The following PRKCI variants were observed in gnomAD, a reference collection of about 807,000 sequenced individuals.
The protein encoded by PRKCI is protein kinase C iota.
Under a neutral mutation model 84.0 loss-of-function variants are expected in PRKCI, and 43 were observed. The observed-to-expected ratio is 0.51, with a 90% CI of 0.40 to 0.66. The LOEUF (loss-of-function observed/expected upper bound fraction) is 0.66, where lower values mean the gene tolerates loss of function less well. Among genes scored for constraint, PRKCI ranks in the 30% least tolerant of loss-of-function variants. The pLI is 0.00. For missense variants in PRKCI, 459 were observed against 745.6 expected (o/e 0.62, Z 4.48); for synonymous variants, 216 against 234.4 (o/e 0.92, Z 0.72).
At chr3:170,268,041 A>AT (rs540267830) in intron 5 of PRKCI, 41 bp downstream of exon 5, 3 of 1,491,208 alleles carry the variant, frequency 2.0e-6, no homozygotes, top group Non-Finnish European at 2.8e-6. Context: ...TGAAACAGCT[A>AT]TTTTTTCCCT....
intron 2 of PRKCI, among the ~76,000 whole-genome samples, chr3:170,235,768 T>C (rs1732958699): frequency 6.6e-6 from 1 of 152,008 alleles, no homozygotes; most frequent in Non-Finnish European, 1.5e-5. Flanking sequence ...GGTTTCGCTA[T>C]GTTGGCCAAG....
At chr3:170,234,844 C>G (rs1439320029) in intron 1 of PRKCI, among the ~76,000 whole-genome samples, 1 of 151,654 alleles carries the variant, frequency 6.6e-6, no homozygotes, top group Non-Finnish European at 1.5e-5. Context: ...CCTCTGTTGC[C>G]CAGGCTGGAG....
chr3:170,281,091 T>A, intron 9 of PRKCI, 75 bp from the exon 10 acceptor site: 2 of 1,249,906 alleles, frequency 1.6e-6, no homozygotes, highest in Non-Finnish European at 2.3e-6. Flanking sequence ...TTTGTGACCA[T>A]TGAATTGCTC....
intron 2 of PRKCI, among the ~76,000 whole-genome samples, chr3:170,248,830 A>G (rs1243719025): frequency 1.3e-5 from 2 of 151,212 alleles, no homozygotes; most frequent in Non-Finnish European, 2.9e-5. Context: ...GATGGTCAGA[A>G]TTGGCTTTTT....
intron 1 of PRKCI, among the ~76,000 whole-genome samples, chr3:170,231,558 A>T (rs2108835552): frequency 6.6e-6 from 1 of 151,940 alleles, no homozygotes; most frequent in South Asian, 2.1e-4. Context: ...TCCGCGTCCC[A>T]AGTTCAAGTG....
At chr3:170,292,958 G>A (rs977109344) in intron 13 of PRKCI, among the ~76,000 whole-genome samples, 18 of 149,944 alleles carry the variant, frequency 1.2e-4, no homozygotes, top group Admixed American at 4.7e-4. Context: ...GGAGAATGGC[G>A]TGAACCCGGG....
At chr3:170,278,409 T>C (rs978088079) in intron 8 of PRKCI, among the ~76,000 whole-genome samples, 2 of 152,176 alleles carry the variant, frequency 1.3e-5, no homozygotes, top group African/African-American at 4.8e-5. Context: ...CCTATAATCC[T>C]AGGACTTTAG....
intron 1 of PRKCI, among the ~76,000 whole-genome samples, 185 bp downstream of exon 1, chr3:170,222,955 T>C (rs1015521001): frequency 2.0e-5 from 3 of 148,602 alleles, no homozygotes; most frequent in Non-Finnish European, 4.5e-5. Flanking sequence ...GATGCAGTAC[T>C]GGGGGCGCCC....
chr3:170,281,115 C>T (rs1734231965), intron 9 of PRKCI, 51 bp from the exon 10 acceptor site: 1 of 1,456,600 alleles, frequency 6.9e-7, no homozygotes, highest in Non-Finnish European at 9.6e-7. Flanking sequence ...GCAAATTTAT[C>T]ATTAATTGTG....
intron 17 of PRKCI, among the ~76,000 whole-genome samples, chr3:170,300,641 C>G (rs969038773): frequency 6.7e-6 from 1 of 149,256 alleles, no homozygotes; most frequent in Non-Finnish European, 1.5e-5. Context: ...CACAGCACCT[C>G]TAATCAAACT....
intron 2 of PRKCI, among the ~76,000 whole-genome samples, chr3:170,243,230 C>T (rs1733180991): frequency 6.6e-6 from 1 of 152,158 alleles, no homozygotes; most frequent in South Asian, 2.1e-4. Flanking sequence ...GCTCTTTTGT[C>T]CTCAGGCTAC....
At position 170,242,751 on chromosome 3, in the gene PRKCI, A is replaced by G. The variant is rs547509071; in HGVS notation, c.223+7400A>G. Among the ~76,000 whole-genome samples the G allele has an allele frequency of 5.3e-5, 8 of 150,746 alleles. No homozygotes were observed. The South Asian group carries it at 1.7e-3, about 32-fold the overall frequency. ...AGTGGTGTGATCTCGGCTCACTGCA[A>G]CCTCGACCTCCTGGGTTCAAGCGAT... On this transcript the variant is annotated intron_variant, in intron 2 of 17. Coordinates refer to ENST00000295797, the MANE Select transcript of PRKCI (RefSeq NM_002740.6).
intron 1 of PRKCI, among the ~76,000 whole-genome samples, chr3:170,232,152 G>C (rs539695122): frequency 6.6e-6 from 1 of 151,984 alleles, no homozygotes; most frequent in Admixed American, 6.6e-5. Context: ...CCAGGCTCAC[G>C]CAGTCCTCCT....
chr3:170,281,705 T>C (rs559816823), intron 10 of PRKCI, 177 bp from the exon 11 acceptor site: 2 of 706,196 alleles, frequency 2.8e-6, no homozygotes, highest in East Asian at 3.2e-5. Context: ...ATTATCATGC[T>C]GGTTTACTTT....
intron 2 of PRKCI, among the ~76,000 whole-genome samples, chr3:170,253,480 T>TG (rs772562159): frequency 1.3e-5 from 2 of 152,202 alleles, no homozygotes; most frequent in African/African-American, 4.8e-5. Flanking sequence ...TTGCCGTTTG[T>TG]ATGTCTCCTT....
chr3:170,288,178 G>A (rs907043803), intron 12 of PRKCI, among the ~76,000 whole-genome samples: 8 of 151,536 alleles, frequency 5.3e-5, no homozygotes, highest in Admixed American at 1.3e-4. Context: ...CCCGGGAGGC[G>A]GAGCTTGCAG....
At chr3:170,261,727 G>A (rs915689714) in intron 3 of PRKCI, among the ~76,000 whole-genome samples, 6 of 151,914 alleles carry the variant, frequency 3.9e-5, no homozygotes, top group Non-Finnish European at 8.8e-5. Context: ...CAGGTGATCT[G>A]CCTGCCTTGG....
chr3:170,230,047 C>T (rs868782351), intron 1 of PRKCI, among the ~76,000 whole-genome samples: 6 of 151,814 alleles, frequency 4.0e-5, no homozygotes, highest in Admixed American at 6.6e-5. Flanking sequence ...TGGAGTTTTT[C>T]GTTTTTATGT....
At chr3:170,229,127 A>G (rs1732717708) in intron 1 of PRKCI, among the ~76,000 whole-genome samples, 1 of 152,120 alleles carries the variant, frequency 6.6e-6, no homozygotes, top group African/African-American at 2.4e-5. Context: ...ATTCTATATC[A>G]TATCGGTATA....
Sources: gnomAD v4.1 joint callset for allele counts (sites outside exome capture counted in the v4.1 genomes callset) on GRCh38, gnomAD v4.1.1 for gene constraint, MANE v1.5 for transcripts, NCBI Gene and HGNC (gene_info 2026-07-23, HGNC 2026-07-21) for gene names.